ESR1: variants seen among roughly 807,000 people sequenced by gnomAD.
ESR1 encodes the protein estrogen receptor.
Under a neutral mutation model 52.7 loss-of-function variants are expected in ESR1, and 12 were observed. The ratio of observed to expected loss-of-function variants is 0.23; its 90% confidence interval spans 0.15 to 0.37. The LOEUF (loss-of-function observed/expected upper bound fraction) is 0.37, where lower values mean the gene tolerates loss of function less well. ESR1 is among the 10% of genes least tolerant of loss of function. The pLI is 1.00. For synonymous variants in ESR1, 305 were observed against 316.8 expected (o/e 0.96, Z 0.39); for missense variants, 584 against 779.7 (o/e 0.75, Z 2.99).
At chr6:152,028,049 C>G (rs1409699765) in intron 5 of ESR1, among the ~76,000 whole-genome samples, 1 of 152,044 alleles carries the variant, frequency 6.6e-6, no homozygotes, top group African/African-American at 2.4e-5. Flanking sequence ...GAGGCTGAGG[C>G]AGGAGAATGG....
intron 3 of ESR1, among the ~76,000 whole-genome samples, chr6:151,916,254 C>A (rs1331974023): frequency 3.3e-5 from 5 of 152,106 alleles, no homozygotes; most frequent in African/African-American, 9.7e-5. Context: ...AGAAAAGGAA[C>A]GTGGAATTTC....
At chr6:151,995,299 A>G (rs1428721113) in intron 4 of ESR1, among the ~76,000 whole-genome samples, 2 of 152,108 alleles carry the variant, frequency 1.3e-5, no homozygotes, top group African/African-American at 2.4e-5. Flanking sequence ...CCGTCTTTCC[A>G]TCCATCTGTC....
chr6:152,084,416 T>A (rs1401948865), intron 6 of ESR1, among the ~76,000 whole-genome samples: 3 of 136,226 alleles, frequency 2.2e-5, no homozygotes, highest in Non-Finnish European at 1.5e-5. Context: ...GAACTTAAAG[T>A]ATAATAAAAA....
chr6:151,993,079 C>T (rs1202168872), intron 4 of ESR1, among the ~76,000 whole-genome samples: 1 of 152,060 alleles, frequency 6.6e-6, no homozygotes, highest in African/African-American at 2.4e-5. Flanking sequence ...GCAAAAGGAT[C>T]TTTTTCTGTG....
intron 3 of ESR1, among the ~76,000 whole-genome samples, chr6:151,915,410 A>G (rs529495372): frequency 1.3e-5 from 2 of 152,264 alleles, no homozygotes; most frequent in East Asian, 3.9e-4. Flanking sequence ...TAGCAACAGG[A>G]GCATTTCCCC....
At chr6:151,868,131 G>T (rs577713815) in intron 2 of ESR1, among the ~76,000 whole-genome samples, 52 of 151,190 alleles carry the variant, frequency 3.4e-4, no homozygotes, top group South Asian at 3.3e-3. Context: ...GTTTTTTTTT[G>T]TTTGTTTGTT....
chr6:151,749,352 A>C (rs1211233410), intron 2 of ESR1, among the ~76,000 whole-genome samples: 1 of 152,198 alleles, frequency 6.6e-6, no homozygotes, highest in Non-Finnish European at 1.5e-5. Flanking sequence ...ACATGTGTGC[A>C]TTGTGTAATG....
chr6:151,815,673 T>C (rs769141408), intron 1 of ESR1, among the ~76,000 whole-genome samples: 1 of 152,198 alleles, frequency 6.6e-6, no homozygotes, highest in Non-Finnish European at 1.5e-5. Context: ...TATTCATGGA[T>C]TCTGTATTTG....
intron 3 of ESR1, among the ~76,000 whole-genome samples, chr6:151,916,567 G>A (rs1214352134): frequency 6.6e-6 from 1 of 152,184 alleles, no homozygotes; most frequent in Admixed American, 6.5e-5. Flanking sequence ...AGTGAGAAGA[G>A]TGAGATATTT....
At chr6:151,976,760 A>G (rs1320031895) in intron 4 of ESR1, among the ~76,000 whole-genome samples, 2 of 152,136 alleles carry the variant, frequency 1.3e-5, no homozygotes, top group Non-Finnish European at 2.9e-5. Flanking sequence ...TTAAATATTT[A>G]ACCTTTTATG....
upstream of ESR1, among the ~76,000 whole-genome samples, chr6:151,688,494 T>C (rs947395288): frequency 6.6e-6 from 1 of 152,146 alleles, no homozygotes; most frequent in African/African-American, 2.4e-5. Flanking sequence ...ACTGGGTTGC[T>C]ACAAAGATAC....
chr6:152,105,820 G>A (rs1325416156), downstream of ESR1, among the ~76,000 whole-genome samples: 42 of 114,002 alleles, frequency 3.7e-4, 1 homozygote, highest in African/African-American at 1.0e-3. Context: ...TCGCTCTGTC[G>A]CCCAGGCCGG....
At chr6:151,988,960 G>T (rs1234025078) in intron 4 of ESR1, among the ~76,000 whole-genome samples, 1 of 152,000 alleles carries the variant, frequency 6.6e-6, no homozygotes, top group Non-Finnish European at 1.5e-5. Flanking sequence ...TTACACACTG[G>T]CATGGGGAAT....
At chr6:151,728,514 A>G (rs1384123037) in intron 2 of ESR1, among the ~76,000 whole-genome samples, 2 of 152,244 alleles carry the variant, frequency 1.3e-5, no homozygotes, top group African/African-American at 4.8e-5. Context: ...TGAAATATTC[A>G]ATGACTTATA....
intron 4 of ESR1, among the ~76,000 whole-genome samples, chr6:151,988,871 T>C (rs1317077127): frequency 6.6e-6 from 1 of 152,090 alleles, no homozygotes; most frequent in Non-Finnish European, 1.5e-5. Flanking sequence ...AACATTAAAG[T>C]CGGGCACATT....
chr6:151,867,849 T>C (rs1044304528), intron 2 of ESR1, among the ~76,000 whole-genome samples: 1 of 152,212 alleles, frequency 6.6e-6, no homozygotes, highest in South Asian at 2.1e-4. Flanking sequence ...AAAACAGGGA[T>C]GACTGAATTC....
At chr6:151,854,019 G>A (rs754062574) in intron 2 of ESR1, among the ~76,000 whole-genome samples, 1 of 152,112 alleles carries the variant, frequency 6.6e-6, no homozygotes, top group South Asian at 2.1e-4. Context: ...ATGGTTCGTG[G>A]CCTAATTCCA....
intron 5 of ESR1, among the ~76,000 whole-genome samples, chr6:152,047,818 C>T (rs572337418): frequency 7.9e-5 from 12 of 152,146 alleles, no homozygotes; most frequent in East Asian, 5.8e-4. Context: ...GTCGCTTGGC[C>T]GGGGGAATTA....
At chr6:152,066,834 G>A (rs1280172557) in intron 6 of ESR1, among the ~76,000 whole-genome samples, 1 of 152,180 alleles carries the variant, frequency 6.6e-6, no homozygotes, top group Non-Finnish European at 1.5e-5. Context: ...GAAGGGGGAT[G>A]ACTGATGTCC....
Sources: allele counts gnomAD v4.1 joint callset (sites outside exome capture counted in the v4.1 genomes callset), GRCh38; gene constraint gnomAD v4.1.1; transcripts MANE v1.5; gene names NCBI Gene and HGNC (gene_info 2026-07-23, HGNC 2026-07-21).